The following ICA1L variants were observed in gnomAD, a reference collection of about 807,000 sequenced individuals.
The protein encoded by ICA1L is islet cell autoantigen 1-like protein.
In ICA1L, 50 loss-of-function variants were observed where a neutral mutation model predicts 61.3. The ratio of observed to expected loss-of-function variants is 0.82; its 90% CI spans 0.65 to 1.03. The LOEUF is 1.03. Among genes scored for constraint, ICA1L ranks in the 50% least tolerant of loss-of-function variants. ICA1L has a pLI of 0.00. For missense variants in ICA1L, 508 were observed against 556.7 expected (o/e 0.91, Z 0.88); for synonymous variants, 161 against 191.3 (o/e 0.84, Z 1.31).
At position 202,828,843 on chromosome 2, in the gene ICA1L, T is replaced by C. The variant is rs1170574723; in HGVS notation, c.162+5A>G. The C allele has an allele frequency of 6.2e-7, 1 of 1,613,330 alleles. No individual in the cohort carries two copies. The highest frequency in any genetic ancestry group is 8.5e-7 in the Non-Finnish European group (1 of 1,179,364). On this transcript the variant is annotated splice_donor_5th_base_variant and intron_variant, in intron 2 of 12. Transcript: ENST00000358299. ...ATATGCAATACATAGAATCCTCAAA[T>C]TTACCTCAAGTTTAGCATCCAGTTC...
chr2:202,797,876 C>A (rs1403971709), intron 9 of ICA1L, among the ~76,000 whole-genome samples: 1 of 152,154 alleles, frequency 6.6e-6, no homozygotes, highest in Non-Finnish European at 1.5e-5. Flanking sequence ...CCACGTTTTA[C>A]AATAGATCTT....
chr2:202,862,469 G>T (rs895161450), intron 1 of ICA1L, among the ~76,000 whole-genome samples: 1 of 151,822 alleles, frequency 6.6e-6, no homozygotes, highest in East Asian at 1.9e-4. Context: ...ATAAAAAAAA[G>T]TAAAAAGTTT....
chr2:202,824,492 C>T (rs1474809934), intron 3 of ICA1L, among the ~76,000 whole-genome samples: 2 of 151,994 alleles, frequency 1.3e-5, no homozygotes, highest in Non-Finnish European at 2.9e-5. Flanking sequence ...ATATTATTAA[C>T]TGGACAGGGA....
chr2:202,809,430 C>T (rs1369653596), intron 9 of ICA1L, among the ~76,000 whole-genome samples: 2 of 152,004 alleles, frequency 1.3e-5, no homozygotes, highest in Non-Finnish European at 2.9e-5. Flanking sequence ...GGGTGGATCA[C>T]CTGAGGTCAG....
At chr2:202,830,637 T>C (rs1452290625) in intron 1 of ICA1L, among the ~76,000 whole-genome samples, 1 of 152,224 alleles carries the variant, frequency 6.6e-6, no homozygotes, top group East Asian at 1.9e-4. Flanking sequence ...GGCACATCGA[T>C]ACATGCTATT....
chr2:202,796,370 A>C (rs1229732647), intron 10 of ICA1L, among the ~76,000 whole-genome samples: 1 of 152,194 alleles, frequency 6.6e-6, no homozygotes, highest in Admixed American at 6.5e-5. Flanking sequence ...ACTAGGAGAA[A>C]ATGTTTACAA....
intron 9 of ICA1L, among the ~76,000 whole-genome samples, 168 bp from the exon 10 acceptor site, chr2:202,797,132 T>TTGTGTGTGTGTGTGTGTGTGTGTG (rs58006631): frequency 8.8e-5 from 13 of 147,726 alleles, no homozygotes; most frequent in Non-Finnish European, 3.0e-5. Flanking sequence ...AAAATCACAT[T>TTGTGTGTGTGTGTGTGTGTGTGTG]TGTGTGTGTG....
intron 9 of ICA1L, among the ~76,000 whole-genome samples, chr2:202,808,630 G>A (rs1693292491): frequency 6.6e-6 from 1 of 152,194 alleles, no homozygotes; most frequent in Non-Finnish European, 1.5e-5. Flanking sequence ...CCAGGCAGTG[G>A]TAACAGGAGG....
intron 1 of ICA1L, among the ~76,000 whole-genome samples, chr2:202,847,460 T>G (rs1266966477): frequency 3.3e-5 from 5 of 152,030 alleles, no homozygotes; most frequent in Non-Finnish European, 7.4e-5. Flanking sequence ...CTGTCTAGGT[T>G]TGAACCTAAG....
chr2:202,779,948 G>A (rs1692347953), intron 12 of ICA1L, among the ~76,000 whole-genome samples: 1 of 151,740 alleles, frequency 6.6e-6, no homozygotes, highest in South Asian at 2.1e-4. Flanking sequence ...CCTGGTTTAA[G>A]ATAATTTTGA....
intron 1 of ICA1L, among the ~76,000 whole-genome samples, chr2:202,860,859 G>C (rs1419392111): frequency 4.6e-5 from 7 of 152,120 alleles, no homozygotes; most frequent in African/African-American, 7.2e-5. Flanking sequence ...ATTAATGTCT[G>C]AAAAAACAGG....
intron 11 of ICA1L, chr2:202,786,808 A>G (rs1257669508): frequency 4.5e-6 from 2 of 447,000 alleles, no homozygotes; most frequent in African/African-American, 4.1e-5. Context: ...ACAATAAGGA[A>G]GGAATCAGGT....
intron 1 of ICA1L, among the ~76,000 whole-genome samples, chr2:202,867,891 G>C (rs1033090703): frequency 2.6e-5 from 4 of 152,184 alleles, no homozygotes; most frequent in Admixed American, 2.0e-4. Flanking sequence ...TATGCCCAAA[G>C]ACCTGTAAAT....
chr2:202,841,679 G>T, intron 1 of ICA1L: 1 of 553,382 alleles, frequency 1.8e-6, no homozygotes. Context: ...GCTGATGCAG[G>T]CACCGGGCCC....
intron 1 of ICA1L, among the ~76,000 whole-genome samples, chr2:202,858,232 A>C (rs1238064479): frequency 6.6e-6 from 1 of 152,236 alleles, no homozygotes; most frequent in East Asian, 1.9e-4. Context: ...AATGCCCATC[A>C]ATGATAGACT....
intron 8 of ICA1L, among the ~76,000 whole-genome samples, chr2:202,814,239 G>T (rs1693466595): frequency 6.6e-6 from 1 of 152,166 alleles, no homozygotes; most frequent in Non-Finnish European, 1.5e-5. Flanking sequence ...TTGGGTCATT[G>T]GGGCAGATCT....
At chr2:202,802,427 T>A (rs548604931) in intron 9 of ICA1L, among the ~76,000 whole-genome samples, 197 of 152,180 alleles carry the variant, frequency 1.3e-3, no homozygotes, top group Middle Eastern at 6.8e-3. Flanking sequence ...TCATGCATAT[T>A]TTATCACACT....
chr2:202,819,676 A>G (rs758498501), intron 5 of ICA1L, 25 bp downstream of exon 5: 3 of 1,553,590 alleles, frequency 1.9e-6, no homozygotes, highest in Admixed American at 1.7e-5. Flanking sequence ...TACACCAAGA[A>G]AAGGAAAGGG....
intron 1 of ICA1L, among the ~76,000 whole-genome samples, chr2:202,842,026 T>C (rs1266480892): frequency 6.7e-6 from 1 of 150,336 alleles, no homozygotes; most frequent in Non-Finnish European, 1.5e-5. Flanking sequence ...AATTTTGGTA[T>C]TTTTTTTTAG....
Sources: gnomAD v4.1 joint callset for allele counts (sites outside exome capture counted in the v4.1 genomes callset) on GRCh38, gnomAD v4.1.1 for gene constraint, MANE v1.5 for transcripts, NCBI Gene and HGNC (gene_info 2026-07-23, HGNC 2026-07-21) for gene names.